The following C12orf42 variants were observed in gnomAD, a reference collection of about 807,000 sequenced individuals.
The protein encoded by C12orf42 is chromosome 12 open reading frame 42, also known as uncharacterized protein C12orf42.
A neutral mutation model predicts 21.6 loss-of-function variants in C12orf42; 25 were observed. That is an observed-to-expected ratio of 1.16 (90% CI 0.84 to 1.62). The LOEUF is 1.62. C12orf42 is among the 40% of genes most tolerant of loss of function. C12orf42 has a pLI of 0.00. For missense variants in C12orf42, 483 were observed against 459.3 expected (o/e 1.05, Z -0.47); for synonymous variants, 174 against 175.0 (o/e 0.99, Z 0.05).
rs573090957 is a variant in C12orf42, at chr12:103,353,951, CAGAG to C, written c.259+14932_259+14935del. 1.5e-4 allele frequency among the ~76,000 whole-genome samples: 23 copies of C among 152,184 alleles called. 1 individual carries two copies. The South Asian group carries it at 4.6e-3, about 30-fold the overall frequency. ...AAAGAGAAAGAAATCTTCAGGGAAT[CAGAG>C]AGAGAGAGTTACCCAGCAAGGCTCA... On this transcript the variant is annotated intron_variant, in intron 4 of 5. Transcript: ENST00000548883.
At chr12:103,060,448 C>T in the C12orf42 span, among the ~76,000 whole-genome samples, 1 of 152,172 alleles carries the variant, frequency 6.6e-6, no homozygotes, top group African/African-American at 2.4e-5. Flanking sequence ...CTACCATTAA[C>T]TTTCTTCACA....
chr12:103,560,871 A>T, the C12orf42 span, among the ~76,000 whole-genome samples: 1 of 152,226 alleles, frequency 6.6e-6, no homozygotes, highest in East Asian at 1.9e-4. Flanking sequence ...AATAAATATT[A>T]GCTGCTGTCA....
At chr12:103,234,246 G>T (rs560184067), downstream of C12orf42, among the ~76,000 whole-genome samples, 1 of 151,926 alleles carries the variant, frequency 6.6e-6, no homozygotes, top group African/African-American at 2.4e-5. Context: ...TATATGATAT[G>T]GTCCATCTAT....
upstream of C12orf42, among the ~76,000 whole-genome samples, chr12:103,497,223 G>A (rs561285007): frequency 6.6e-6 from 1 of 152,246 alleles, no homozygotes; most frequent in South Asian, 2.1e-4. Context: ...TGACATAATA[G>A]ATGAAGGGGA....
intron 2 of C12orf42, among the ~76,000 whole-genome samples, chr12:103,434,819 G>T (rs1451139521): frequency 1.3e-5 from 2 of 152,204 alleles, no homozygotes; most frequent in East Asian, 3.9e-4. Flanking sequence ...CAGCGAGGCT[G>T]GGGGAGGGGC....
intron 4 of C12orf42, among the ~76,000 whole-genome samples, chr12:103,315,304 C>T (rs897730127): frequency 6.6e-6 from 1 of 151,940 alleles, no homozygotes; most frequent in Non-Finnish European, 1.5e-5. Context: ...AAAATAAATA[C>T]GATCAATATG....
At chr12:103,519,612 A>G in the C12orf42 span, among the ~76,000 whole-genome samples, 1 of 152,282 alleles carries the variant, frequency 6.6e-6, no homozygotes, top group East Asian at 1.9e-4. Flanking sequence ...ACAATAAGCA[A>G]ACAATAAATA....
At chr12:103,331,004 T>C (rs2041194380) in intron 4 of C12orf42, among the ~76,000 whole-genome samples, 1 of 152,248 alleles carries the variant, frequency 6.6e-6, no homozygotes, top group Non-Finnish European at 1.5e-5. Context: ...TGCTAATACA[T>C]GGCTTTTTCT....
At chr12:103,295,800 A>G (rs929916201) in intron 4 of C12orf42, among the ~76,000 whole-genome samples, 16 of 152,206 alleles carry the variant, frequency 1.1e-4, no homozygotes, top group African/African-American at 3.9e-4. Context: ...CTTTCATTTT[A>G]TAGCAAATTT....
chr12:103,411,682 G>A (rs888334471), intron 2 of C12orf42, among the ~76,000 whole-genome samples: 1 of 152,144 alleles, frequency 6.6e-6, no homozygotes, highest in African/African-American at 2.4e-5. Flanking sequence ...CATCTCTGAG[G>A]CAGAAAGCAA....
intron 2 of C12orf42, among the ~76,000 whole-genome samples, chr12:103,474,887 C>T (rs1178491644): frequency 6.6e-6 from 1 of 152,136 alleles, no homozygotes; most frequent in East Asian, 1.9e-4. Flanking sequence ...TTCTAAACAT[C>T]AAATATTGGG....
intron 4 of C12orf42, among the ~76,000 whole-genome samples, chr12:103,296,053 G>A (rs1044770128): frequency 6.9e-5 from 9 of 130,628 alleles, no homozygotes; most frequent in East Asian, 4.6e-4. Context: ...GTGATGTTCC[G>A]CTTCCTGTGT....
chr12:103,123,292 G>A, the C12orf42 span, among the ~76,000 whole-genome samples: 1 of 152,158 alleles, frequency 6.6e-6, no homozygotes, highest in Non-Finnish European at 1.5e-5. Flanking sequence ...GGTAGGGAGT[G>A]CTGAAGGCTT....
At chr12:103,427,686 C>T (rs537818874) in intron 2 of C12orf42, among the ~76,000 whole-genome samples, 152 of 152,316 alleles carry the variant, frequency 1.0e-3, no homozygotes, top group African/African-American at 3.1e-3. Context: ...TTCTTCTCAG[C>T]ACCTCATCAC....
chr12:103,119,420 G>C, the C12orf42 span, among the ~76,000 whole-genome samples: 5 of 152,174 alleles, frequency 3.3e-5, no homozygotes, highest in African/African-American at 1.2e-4. Context: ...CATTGAGTTG[G>C]AGCACATCCA....
chr12:103,072,621 C>G, the C12orf42 span, among the ~76,000 whole-genome samples: 36 of 152,180 alleles, frequency 2.4e-4, 1 homozygote, highest in Middle Eastern at 0.014. Flanking sequence ...CCGGTACATA[C>G]CCAGTAATGG....
At chr12:103,512,868 G>C in the C12orf42 span, among the ~76,000 whole-genome samples, 2 of 152,098 alleles carry the variant, frequency 1.3e-5, no homozygotes, top group Non-Finnish European at 2.9e-5. Context: ...CAGGCGTGGT[G>C]GTGGGTGCCT....
At chr12:103,145,970 AAGAG>A in the C12orf42 span, among the ~76,000 whole-genome samples, 1 of 149,242 alleles carries the variant, frequency 6.7e-6, no homozygotes, top group African/African-American at 2.5e-5. Flanking sequence ...GAGAGAGAGA[AAGAG>A]AGAAAGAGAG....
At chr12:103,385,713 T>C (rs1469822036) in intron 3 of C12orf42, among the ~76,000 whole-genome samples, 1 of 152,240 alleles carries the variant, frequency 6.6e-6, no homozygotes, top group Non-Finnish European at 1.5e-5. Flanking sequence ...ATTTATATCT[T>C]AAAAATAAAA....
Sources: allele counts gnomAD v4.1 joint callset (sites outside exome capture counted in the v4.1 genomes callset), GRCh38; gene constraint gnomAD v4.1.1; transcripts MANE v1.5; gene names NCBI Gene and HGNC (gene_info 2026-07-23, HGNC 2026-07-21).